Variants in DLGAP1 observed in about 807,000 individuals in gnomAD.
DLGAP1 encodes the protein DLG associated protein 1.
DLGAP1 carries 11 observed loss-of-function variants against 90.8 expected under a neutral mutation model. That is an observed-to-expected ratio of 0.12 (90% CI 0.08 to 0.20). The LOEUF is 0.20. Ranked by LOEUF, DLGAP1 falls within the 10% of genes least tolerant of loss-of-function variation. The pLI, the probability that DLGAP1 is intolerant of heterozygous loss-of-function variation, is 1.00. For synonymous variants in DLGAP1, 558 were observed against 540.7 expected (o/e 1.03, Z -0.44); for missense variants, 1,050 against 1,333.8 (o/e 0.79, Z 3.31).
At chr18:4,317,408 A>G (rs1164980858) in intron 1 of DLGAP1, among the ~76,000 whole-genome samples, 2 of 152,222 alleles carry the variant, frequency 1.3e-5, no homozygotes, top group Non-Finnish European at 2.9e-5. Flanking sequence ...AATCAGATCC[A>G]TGATAATTTT....
chr18:3,634,333 G>T (rs2058624036), intron 7 of DLGAP1, among the ~76,000 whole-genome samples: 1 of 151,884 alleles, frequency 6.6e-6, no homozygotes, highest in African/African-American at 2.4e-5. Flanking sequence ...CTACTCCAAA[G>T]AAAAAAGTGA....
chr18:4,377,381 T>C (rs909546968), intron 1 of DLGAP1, among the ~76,000 whole-genome samples: 7 of 152,210 alleles, frequency 4.6e-5, no homozygotes, highest in Non-Finnish European at 1.0e-4. Context: ...CTAATTTTCT[T>C]ATGAAAATAC....
rs147494948 is a variant in DLGAP1, at chr18:4,181,655, T to G, written c.-266-30368A>C. Among the ~76,000 whole-genome samples, 25 of 152,170 alleles carry G rather than the reference T, an allele frequency of 1.6e-4. 1 individual carries two copies. Among genetic ancestry groups the G allele is most frequent in the African/African-American group, 5.8e-4 (24 of 41,452 alleles). Reference sequence around the variant, plus strand: ...TATCTGGACGACAATCAACCTTTAATTTCTTTCCTTTATTGTTCCTTTAAG... The same window carrying G: ...TATCTGGACGACAATCAACCTTTAAGTTCTTTCCTTTATTGTTCCTTTAAG... On this transcript the variant is annotated intron_variant, in intron 1 of 12. Transcript: ENST00000315677.
At chr18:4,276,073 A>G (rs2079405587) in intron 1 of DLGAP1, among the ~76,000 whole-genome samples, 1 of 149,712 alleles carries the variant, frequency 6.7e-6, no homozygotes, top group Admixed American at 6.7e-5. Context: ...CAGCCGGAAA[A>G]GACCTTATGG....
chr18:3,747,893 A>G (rs1426061842), intron 5 of DLGAP1, among the ~76,000 whole-genome samples: 5 of 152,252 alleles, frequency 3.3e-5, no homozygotes, highest in Non-Finnish European at 7.3e-5. Flanking sequence ...CGCTATCAAT[A>G]TAAAGGTTAC....
intron 4 of DLGAP1, among the ~76,000 whole-genome samples, chr18:3,863,997 C>T (rs974050364): frequency 2.0e-5 from 3 of 152,214 alleles, no homozygotes; most frequent in Non-Finnish European, 4.4e-5. Context: ...CTGTTCTCCA[C>T]TTGCTTATTT....
At chr18:3,682,504 C>T (rs867021471) in intron 7 of DLGAP1, among the ~76,000 whole-genome samples, 11 of 152,152 alleles carry the variant, frequency 7.2e-5, no homozygotes, top group South Asian at 4.1e-4. Context: ...AGAAAATACA[C>T]GAGAAAAGAA....
rs772827095 is a variant in DLGAP1 at position 3,506,814 on chromosome 18, T to TAATCATTA, written c.2571+1755_2571+1756insTAATGATT. On this transcript the variant is annotated intron_variant, in intron 11 of 12. Transcript: ENST00000315677. ...ACAGAGAATCATGTTAATTGAGATC[T>TAATCATTA]GTGACACATTAGCAAGTTTGCAAAT... 2.0e-3 allele frequency among the ~76,000 whole-genome samples: 303 copies of TAATCATTA among 152,324 alleles called. 5 individuals carry two copies. The highest frequency in any genetic ancestry group is 1.3e-3 in the East Asian group (7 of 5,190).
chr18:3,748,275 C>A (rs2063354743), intron 5 of DLGAP1, among the ~76,000 whole-genome samples: 1 of 152,196 alleles, frequency 6.6e-6, no homozygotes, highest in Admixed American at 6.5e-5. Flanking sequence ...ACAAGCTTGA[C>A]CCTTTGTATC....
chr18:3,621,463 G>C (rs1054863459), intron 7 of DLGAP1, among the ~76,000 whole-genome samples: 3 of 152,152 alleles, frequency 2.0e-5, no homozygotes, highest in Non-Finnish European at 2.9e-5. Context: ...TCTGTACATA[G>C]TGAACTATAT....
chr18:3,598,917 C>T (rs969373674), intron 7 of DLGAP1, among the ~76,000 whole-genome samples: 1 of 152,000 alleles, frequency 6.6e-6, no homozygotes, highest in Non-Finnish European at 1.5e-5. Flanking sequence ...AGACTACAGG[C>T]GGGCGCCACC....
intron 7 of DLGAP1, among the ~76,000 whole-genome samples, chr18:3,666,626 T>C (rs2059893911): frequency 6.6e-6 from 1 of 152,252 alleles, no homozygotes; most frequent in South Asian, 2.1e-4. Context: ...TGACAAGACA[T>C]GGAATGAAAC....
chr18:4,073,107 G>A (rs1404077410), intron 2 of DLGAP1, among the ~76,000 whole-genome samples: 2 of 152,318 alleles, frequency 1.3e-5, no homozygotes, highest in East Asian at 3.9e-4. Context: ...ATTAAGATGG[G>A]ATGGGAAAGA....
chr18:4,310,651 C>G (rs768851871), intron 1 of DLGAP1, among the ~76,000 whole-genome samples: 5 of 152,104 alleles, frequency 3.3e-5, no homozygotes, highest in South Asian at 4.2e-4. Context: ...GAACAAGAAC[C>G]CTCTTATTCC....
At chr18:4,304,746 C>G (rs983880768) in intron 1 of DLGAP1, among the ~76,000 whole-genome samples, 2 of 152,132 alleles carry the variant, frequency 1.3e-5, no homozygotes, top group Non-Finnish European at 2.9e-5. Context: ...GCCTGGCCAA[C>G]ATGGTGAAAC....
intron 7 of DLGAP1, among the ~76,000 whole-genome samples, chr18:3,585,921 C>A (rs1186338273): frequency 6.6e-6 from 1 of 152,192 alleles, no homozygotes; most frequent in Non-Finnish European, 1.5e-5. Flanking sequence ...GGGGCTAGTT[C>A]ACATTGTTTC....
intron 5 of DLGAP1, among the ~76,000 whole-genome samples, chr18:3,800,581 T>C (rs1246370097): frequency 1.3e-5 from 2 of 152,192 alleles, no homozygotes; most frequent in Non-Finnish European, 2.9e-5. Context: ...ATATAATATA[T>C]GCTTAGAACA....
intron 2 of DLGAP1, among the ~76,000 whole-genome samples, chr18:4,064,838 A>G (rs1482348225): frequency 1.3e-5 from 2 of 152,048 alleles, no homozygotes; most frequent in Non-Finnish European, 2.9e-5. Context: ...TGAAGTAGGC[A>G]TCACCCTGAT....
intron 7 of DLGAP1, among the ~76,000 whole-genome samples, chr18:3,589,579 A>T (rs548362291): frequency 6.6e-6 from 1 of 152,254 alleles, no homozygotes; most frequent in Non-Finnish European, 1.5e-5. Flanking sequence ...AAATTAAATT[A>T]TATATAGATA....
Sources: allele counts gnomAD v4.1 joint callset (sites outside exome capture counted in the v4.1 genomes callset), GRCh38; gene constraint gnomAD v4.1.1; transcripts MANE v1.5; gene names NCBI Gene and HGNC (gene_info 2026-07-23, HGNC 2026-07-21).